Variants in COL5A3 observed in about 807,000 individuals in gnomAD.
The protein encoded by COL5A3 is collagen type V alpha 3 chain.
In COL5A3, 172 loss-of-function variants were observed where a neutral mutation model predicts 250.0. The observed-to-expected ratio is 0.69, with a 90% CI of 0.61 to 0.78. The LOEUF (loss-of-function observed/expected upper bound fraction) is 0.78. Among genes scored for constraint, COL5A3 ranks in the 30% least tolerant of loss-of-function variants. The probability of loss-of-function intolerance (pLI) is 0.00; values close to 1 mark genes in which losing one functional copy is unlikely to be tolerated. For missense variants in COL5A3, 2,340 were observed against 2,334.4 expected, an observed-to-expected ratio of 1.00 and a Z score of -0.05; for synonymous variants, 937 against 900.4, an observed-to-expected ratio of 1.04 and a Z score of -0.73.
Position 9,991,631 on chromosome 19 carries a change from G to A in COL5A3, c.1971C>T (p.Leu657=). The A allele has an allele frequency of 6.2e-7, 1 of 1,606,706 alleles. No individual in the cohort carries two copies. Among genetic ancestry groups the A allele is most frequent in the South Asian group, 1.1e-5 (1 of 90,052 alleles). The change falls in exon 24 of 67, where the codon CTC becomes CTT. Residue 657 remains leucine, a synonymous_variant. Transcript: ENST00000264828. ...TCACCTTCTCCCCAGGAGTGCCAATGAGTCCCTGGGGACCGGGGAGTCCCT... is the reference window on the plus strand; with the variant it reads ...TCACCTTCTCCCCAGGAGTGCCAATAAGTCCCTGGGGACCGGGGAGTCCCT... ...GSQGLPGPQG[L]IGTPGEKGPP...
chr19:9,965,149 TCTTTTTC>T (rs1434771597), intron 64 of COL5A3, among the ~76,000 whole-genome samples: 2 of 123,620 alleles, frequency 1.6e-5, no homozygotes, highest in African/African-American at 5.4e-5. Flanking sequence ...TTTTTTCTTT[TCTTTTTC>T]TTTTTTTTTT....
chr19:9,960,991 C>T lies in COL5A3; in HGVS notation c.4852-101G>A. 2.8e-6 allele frequency: 4 copies of T among 1,442,692 alleles called. No individual in the cohort carries two copies. In the East Asian group the frequency reaches 6.9e-5, roughly 25 times the overall value. 89.4% of individuals were successfully genotyped at this position (1,442,692 alleles called of 1,614,324 possible). ...CCATCCACTGGCAGACAAGCCACCC[C>T]CCCCATGTCACCATCTCTGAGGAGG... On this transcript the variant is annotated intron_variant, in intron 65 of 66. Coordinates refer to ENST00000264828, the MANE Select transcript of COL5A3 (RefSeq NM_015719.4).
rs765102420 is a variant in COL5A3 at position 9,996,243 on chromosome 19, G to C, written c.1442C>G (p.Pro481Arg). 1 of 1,574,878 alleles carries C rather than the reference G, an allele frequency of 6.3e-7. No homozygotes were observed. Among genetic ancestry groups the C allele is most frequent in the Non-Finnish European group, 8.6e-7 (1 of 1,162,750 alleles). The change falls in exon 14 of 67, where the codon CCT (proline) becomes CGT (arginine). Residue 481 changes from proline (P) to arginine (R), a missense_variant. Transcript: ENST00000264828. ...GCGCCCAGTGAGCCCCACTGGACCA[G>C]GGGGGCCTTTCATAGAGAGCTGGAA... is the stretch of plus-strand genomic sequence containing the variant. ...QQTQLSMKGPPGPVGLTGRPG... is the reference protein window; with the variant it reads ...QQTQLSMKGPRGPVGLTGRPG...
At chr19:10,003,416 T>C in intron 6 of COL5A3, 149 bp downstream of exon 6, 1 of 777,908 alleles carries the variant, frequency 1.3e-6, no homozygotes, top group African/African-American at 1.7e-5. Context: ...AGCTCATGGA[T>C]CCGAGACCAG....
At chr19:9,984,751 G>C (rs114931809) in intron 31 of COL5A3, among the ~76,000 whole-genome samples, 6,560 of 152,106 alleles carry the variant, frequency 0.043, 168 homozygotes, top group Middle Eastern at 0.075. Context: ...TAGCGGGTAA[G>C]AGGGCATTTG....
Position 9,974,362 on chromosome 19 carries a change from C to G in COL5A3, c.3389G>C (p.Gly1130Ala). ...QGRRGPPGLF[G>A]QKGDDGVRGF... ...TCTGACTCCGTCATCTCCTTTCTGCCCAAAGAGGCCTGGGGGTCCCCGGCG... is the reference window on the plus strand; with the variant it reads ...TCTGACTCCGTCATCTCCTTTCTGCGCAAAGAGGCCTGGGGGTCCCCGGCG... The change falls in exon 46 of 67, where the codon GGG becomes GCG. Residue 1130 changes from glycine (G) to alanine (A), a missense_variant. Coordinates refer to ENST00000264828, the MANE Select transcript of COL5A3 (RefSeq NM_015719.4). 6.2e-7 allele frequency: 1 copy of G among 1,612,514 alleles called. No individual in the cohort carries two copies. The highest frequency in any genetic ancestry group is 1.1e-5 in the South Asian group (1 of 90,738).
chr19:9,996,434 T>C lies in COL5A3; in HGVS notation c.1421A>G (p.Gln474Arg). The C allele has an allele frequency of 6.2e-7, 1 of 1,613,818 alleles. No individual in the cohort carries two copies. The highest frequency in any genetic ancestry group is 8.5e-7 in the Non-Finnish European group (1 of 1,179,916). The change falls in exon 13 of 67, where the codon CAG (glutamine) becomes CGG (arginine). Residue 474 changes from glutamine (Q) to arginine (R), a missense_variant and splice_region_variant. Gln to Arg is a conservative substitution (Grantham distance 43). Around this residue, in one of 3 missense-constraint regions of COL5A3, gnomAD observed 1,152 missense variants for 1,146.3 expected, o/e 1.00. Coordinates refer to ENST00000264828, the MANE Select transcript of COL5A3 (RefSeq NM_015719.4). The part of the protein sequence containing the change: ...AQAQAVLQQT[Q>R]LSMKGPPGPV... ...ACTATGTCCACACCTCCCACTCACC[T>C]GAGTCTGCTGCAGAACTGCCTGAGC...
chr19:9,995,479 C>A, intron 16 of COL5A3, 85 bp downstream of exon 16: 1 of 1,231,960 alleles, frequency 8.1e-7, no homozygotes. Flanking sequence ...ACGACACCAG[C>A]AGACCCCAAG....
At chr19:9,979,695 A>G (rs781723981) in intron 37 of COL5A3, 144 bp downstream of exon 37, 1 of 815,400 alleles carries the variant, frequency 1.2e-6, no homozygotes, top group Non-Finnish European at 1.9e-6. Context: ...CTGAGGCAGG[A>G]GAATTGCTTG....
In COL5A3 at chr19:9,989,360, G is replaced by A. The variant is rs762487310; in HGVS notation, c.2053C>T (p.Pro685Ser). Residue 685 changes from proline (P) to serine (S), a missense_variant, in exon 26 of 67, where the codon CCA becomes TCA. Coordinates refer to ENST00000264828, the MANE Select transcript of COL5A3 (RefSeq NM_015719.4). ...LPGSDGPLGH[P>S]GHEGPTGEKG... ...TCTCCCGTGGGGCCCTCATGTCCTG[G>A]GTGACCCTGGGGAAGAAACATTCTC... 3.7e-6 allele frequency: 6 copies of A among 1,614,006 alleles called. No individual in the cohort carries two copies. Among genetic ancestry groups the A allele is most frequent in the Non-Finnish European group, 5.1e-6 (6 of 1,180,016 alleles).
intron 61 of COL5A3, chr19:9,967,672 T>G (rs2086773797): frequency 1.8e-6 from 1 of 549,784 alleles, no homozygotes; most frequent in Admixed American, 3.9e-5. Flanking sequence ...AGTCATAGTT[T>G]ACTTGGCAGA....
At chr19:9,986,677 G>T (rs374711989) in intron 28 of COL5A3, 37 bp downstream of exon 28, 1 of 1,613,468 alleles carries the variant, frequency 6.2e-7, no homozygotes, top group Non-Finnish European at 8.5e-7. Context: ...CCATGATTGG[G>T]ACTCCCTCTC....
At chr19:9,987,758 A>G (rs984343591) in intron 27 of COL5A3, among the ~76,000 whole-genome samples, 2 of 151,862 alleles carry the variant, frequency 1.3e-5, no homozygotes, top group African/African-American at 2.4e-5. Flanking sequence ...TGTCTCAAGA[A>G]TAATAATAAT....
Position 9,976,548 on chromosome 19 carries a change from G to A in COL5A3, c.3342+10C>T, listed in dbSNP as rs767417588. The A allele has an allele frequency of 3.2e-6, 5 of 1,562,014 alleles. No homozygotes were observed. In the South Asian group the frequency reaches 6.1e-5, roughly 19 times the overall value. On this transcript the variant is annotated intron_variant, in intron 45 of 66. Transcript: ENST00000264828. ...ACCCAGAGAAGGACTGAAAAGATGG[G>A]GGCACTCACCGGGGGACCTGGGTGT...
At chr19:9,976,400 C>T (rs996900900) in intron 45 of COL5A3, among the ~76,000 whole-genome samples, 158 bp downstream of exon 45, 9 of 150,590 alleles carry the variant, frequency 6.0e-5, no homozygotes, top group African/African-American at 2.0e-4. Flanking sequence ...GGATTGACTC[C>T]GATTCTTGGA....
intron 45 of COL5A3, 32 bp downstream of exon 45, chr19:9,976,526 C>T: frequency 6.5e-7 from 1 of 1,535,278 alleles, no homozygotes; most frequent in African/African-American, 1.4e-5. Flanking sequence ...TTCAAGGACC[C>T]AGAGAAGGAC....
At chr19:9,966,791 AG>A in intron 62 of COL5A3, 45 bp from the exon 63 acceptor site, 1 of 1,380,552 alleles carries the variant, frequency 7.2e-7, no homozygotes, top group Non-Finnish European at 9.8e-7. Flanking sequence ...GAGATGGGGG[AG>A]GGAGAGAGAG....
intron 6 of COL5A3, 97 bp from the exon 7 acceptor site, chr19:10,001,978 G>T: frequency 2.5e-6 from 2 of 808,732 alleles, no homozygotes; most frequent in Non-Finnish European, 4.1e-6. Context: ...CCCAGTCCGG[G>T]GACAGGGACA....
intron 45 of COL5A3, among the ~76,000 whole-genome samples, chr19:9,975,848 G>A (rs2086911874): frequency 6.6e-6 from 1 of 151,016 alleles, no homozygotes; most frequent in African/African-American, 2.4e-5. Flanking sequence ...ACAAATTCTA[G>A]GGTTGAGTTC....
Sources: allele counts gnomAD v4.1 joint callset (sites outside exome capture counted in the v4.1 genomes callset), GRCh38; gene constraint gnomAD v4.1.1; regional missense constraint gnomAD v4.1.1; transcripts MANE v1.5; gene names NCBI Gene and HGNC (gene_info 2026-07-23, HGNC 2026-07-21).